MAP4K3: variants seen among roughly 807,000 people sequenced by gnomAD.
The protein encoded by MAP4K3 is MAPK/ERK kinase kinase kinase 3.
In MAP4K3, 94 loss-of-function variants were observed where a neutral mutation model predicts 143.5. The observed-to-expected ratio is 0.65, with a 90% CI of 0.55 to 0.78. The LOEUF is 0.78. Among genes scored for constraint, MAP4K3 ranks in the 30% least tolerant of loss-of-function variants. The pLI is 0.00. For synonymous variants in MAP4K3, 416 were observed against 347.2 expected (o/e 1.20, Z -2.20); for missense variants, 1,077 against 1,068.1 (o/e 1.01, Z -0.12).
chr2:39,292,864 T>G, intron 17 of MAP4K3, 38 bp from the exon 18 acceptor site: 1 of 1,551,718 alleles, frequency 6.4e-7, no homozygotes, highest in Non-Finnish European at 8.9e-7. Flanking sequence ...ATTAAATGGA[T>G]TTTACCAAAA....
chr2:39,338,652 C>T (rs979098577), intron 4 of MAP4K3, among the ~76,000 whole-genome samples: 1 of 152,216 alleles, frequency 6.6e-6, no homozygotes, highest in Non-Finnish European at 1.5e-5. Flanking sequence ...GTGTATGCAT[C>T]TGCTAAGTCC....
chr2:39,272,312 T>G lies in MAP4K3; in HGVS notation c.1944A>C (p.Ala648=). 6.2e-7 allele frequency: 1 copy of G among 1,613,716 alleles called. No individual in the cohort carries two copies. The highest frequency in any genetic ancestry group is 8.5e-7 in the Non-Finnish European group (1 of 1,179,724). Residue 648 remains alanine, a synonymous_variant, in exon 26 of 34, where the codon GCA becomes GCC. Transcript: ENST00000263881. ...GCAGTATTCTGTCAGGGAGTTTGTG[T>G]GCTGGAATAGCAACAGGTAACTTTT... ...QMQKLPVAIP[A]HKLPDRILPR...
chr2:39,393,544 A>AT (rs1005923132), intron 1 of MAP4K3, among the ~76,000 whole-genome samples: 7 of 152,104 alleles, frequency 4.6e-5, no homozygotes, highest in Non-Finnish European at 2.9e-5. Flanking sequence ...TTTTTAAAAT[A>AT]TTTTTTGCGC....
chr2:39,313,157 A>G (rs946173706), intron 13 of MAP4K3, among the ~76,000 whole-genome samples: 3 of 152,176 alleles, frequency 2.0e-5, no homozygotes, highest in Admixed American at 1.3e-4. Context: ...TACTCTTCAA[A>G]TAACTGTTGG....
At chr2:39,333,062 G>T (rs1029061589) in intron 7 of MAP4K3, among the ~76,000 whole-genome samples, 1 of 151,996 alleles carries the variant, frequency 6.6e-6, no homozygotes, top group Non-Finnish European at 1.5e-5. Context: ...ACAACCTACA[G>T]TTACAAAATG....
chr2:39,429,785 T>C (rs1290598933), intron 1 of MAP4K3, among the ~76,000 whole-genome samples: 1 of 152,116 alleles, frequency 6.6e-6, no homozygotes, highest in Non-Finnish European at 1.5e-5. Flanking sequence ...AGAACAGAAT[T>C]GGAGGACCCA....
At chr2:39,370,856 A>T (rs1223725296) in intron 2 of MAP4K3, among the ~76,000 whole-genome samples, 1 of 152,206 alleles carries the variant, frequency 6.6e-6, no homozygotes, top group East Asian at 1.9e-4. Flanking sequence ...GAGTATAAGT[A>T]ACTTTTAAAT....
intron 1 of MAP4K3, among the ~76,000 whole-genome samples, chr2:39,434,676 T>TCCCTAC (rs1394697849): frequency 6.6e-6 from 1 of 152,246 alleles, no homozygotes; most frequent in East Asian, 1.9e-4. Context: ...AAGAATACAG[T>TCCCTAC]CCCTAATTGG....
chr2:39,287,000 T>C lies in MAP4K3; in HGVS notation c.1475-36A>G, dbSNP rs754034833. The C allele has an allele frequency of 4.6e-6, 6 of 1,305,288 alleles. No individual in the cohort carries two copies. The African/African-American group carries it at 8.8e-5, about 19-fold the overall frequency. The allele number at this position is 1,305,288 out of a possible 1,614,324, so 80.9% of individuals were successfully genotyped here. On this transcript the variant is annotated intron_variant, in intron 20 of 33. Coordinates refer to ENST00000263881, the MANE Select transcript of MAP4K3 (RefSeq NM_003618.4). The stretch of plus-strand genomic sequence containing the variant: ...ATATATTCATTGAAAATGATTAATC[T>C]TCATGAAAACTTTTATTCAGAAAGT...
chr2:39,354,299 C>T lies in MAP4K3; in HGVS notation c.245+1950G>A, dbSNP rs926161322. ...TCTACTAAAAATACAAAAAAATTAG[C>T]CGGGTGTGGTGGCAGGAGCCTGTAG... is the stretch of plus-strand genomic sequence containing the variant. On this transcript the variant is annotated intron_variant, in intron 3 of 33. Transcript: ENST00000263881. Among the ~76,000 whole-genome samples the T allele has an allele frequency of 1.3e-5, 2 of 152,034 alleles. 1 individual carries two copies. The highest frequency in any genetic ancestry group is 3.9e-4 in the East Asian group (2 of 5,190).
chr2:39,298,563 T>C (rs933212693), intron 16 of MAP4K3, among the ~76,000 whole-genome samples: 2 of 152,228 alleles, frequency 1.3e-5, no homozygotes, highest in African/African-American at 4.8e-5. Context: ...GATTTTGCAT[T>C]ATTACCCTTA....
chr2:39,259,797 G>A (rs1376484750), intron 29 of MAP4K3, among the ~76,000 whole-genome samples: 1 of 151,950 alleles, frequency 6.6e-6, no homozygotes, highest in African/African-American at 2.4e-5. Flanking sequence ...TGCCTTAATT[G>A]GCATTTAATT....
At chr2:39,382,856 T>C (rs1053550700) in intron 1 of MAP4K3, among the ~76,000 whole-genome samples, 1 of 152,128 alleles carries the variant, frequency 6.6e-6, no homozygotes, top group African/African-American at 2.4e-5. Context: ...CCTGAAAAGG[T>C]ATTACAGGAA....
At chr2:39,362,626 T>C (rs1259083410) in intron 2 of MAP4K3, among the ~76,000 whole-genome samples, 1 of 152,194 alleles carries the variant, frequency 6.6e-6, no homozygotes, top group African/African-American at 2.4e-5. Context: ...TACTACCCAA[T>C]GCGATCTACA....
intron 8 of MAP4K3, among the ~76,000 whole-genome samples, chr2:39,326,577 A>C (rs1683496413): frequency 6.6e-6 from 1 of 152,018 alleles, no homozygotes; most frequent in Non-Finnish European, 1.5e-5. Flanking sequence ...ATGAGTTAAG[A>C]CTTTGGGGGA....
In MAP4K3 at chr2:39,297,545, T is replaced by C. The variant is rs191503609; in HGVS notation, c.1178+2198A>G. Among the ~76,000 whole-genome samples, 5 of 152,310 alleles carry C rather than the reference T, an allele frequency of 3.3e-5. No individual in the cohort carries two copies. In the East Asian group the frequency reaches 9.6e-4, roughly 29 times the overall value. ...TATAAGTCAAAGTACATATGCTTCC[T>C]GTTAGAAAAAGAAAAGACCTATGTT... On this transcript the variant is annotated intron_variant, in intron 16 of 33. Coordinates refer to ENST00000263881, the MANE Select transcript of MAP4K3 (RefSeq NM_003618.4).
intron 2 of MAP4K3, among the ~76,000 whole-genome samples, chr2:39,359,091 G>T (rs1328828428): frequency 1.3e-5 from 2 of 152,120 alleles, no homozygotes; most frequent in Non-Finnish European, 2.9e-5. Context: ...TTCTACCTAT[G>T]AGCCTGTAAA....
chr2:39,315,873 A>T (rs1460849303), intron 12 of MAP4K3, among the ~76,000 whole-genome samples: 1 of 152,126 alleles, frequency 6.6e-6, no homozygotes, highest in African/African-American at 2.4e-5. Flanking sequence ...TCAATTTATG[A>T]ATTTTTTTGA....
At chr2:39,434,691 A>G (rs1665399051) in intron 1 of MAP4K3, among the ~76,000 whole-genome samples, 1 of 152,214 alleles carries the variant, frequency 6.6e-6, no homozygotes, top group Non-Finnish European at 1.5e-5. Flanking sequence ...AATTGGTTCA[A>G]ATTTTGGCTT....
Sources: allele counts gnomAD v4.1 joint callset (sites outside exome capture counted in the v4.1 genomes callset), GRCh38; gene constraint gnomAD v4.1.1; transcripts MANE v1.5; gene names NCBI Gene and HGNC (gene_info 2026-07-23, HGNC 2026-07-21).